PRDM16: variants seen among roughly 807,000 people sequenced by gnomAD.
The protein encoded by PRDM16 is histone-lysine N-methyltransferase PRDM16.
PRDM16 carries 23 observed loss-of-function variants against 110.6 expected under a neutral mutation model. The ratio of observed to expected loss-of-function variants is 0.21; its 90% CI spans 0.15 to 0.29. The LOEUF (loss-of-function observed/expected upper bound fraction) is 0.29, where lower values mean the gene tolerates loss of function less well. PRDM16 is among the 10% of genes least tolerant of loss of function. The pLI, the probability that PRDM16 is intolerant of heterozygous loss-of-function variation, is 1.00. For synonymous variants in PRDM16, 799 were observed against 781.8 expected, an observed-to-expected ratio of 1.02 and a Z score of -0.37; for missense variants, 1,615 against 1,794.3, an observed-to-expected ratio of 0.90 and a Z score of 1.81.
chr1:3,077,243 C>G (rs2981888), intron 1 of PRDM16, among the ~76,000 whole-genome samples: 108,086 of 152,168 alleles, frequency 0.71, 38,537 homozygotes, highest in East Asian at 0.96. Context: ...GCCCTGCCCC[C>G]TGACACAAGC....
rs1643714113 is a variant in PRDM16 at position 3,412,713 on chromosome 1, T to C, written c.2516T>C (p.Leu839Pro). The C allele has an allele frequency of 4.7e-6, 7 of 1,498,722 alleles. No individual in the cohort carries two copies. The highest frequency in any genetic ancestry group is 6.2e-6 in the Non-Finnish European group (7 of 1,123,928). The allele number at this position is 1,498,722 out of a possible 1,614,324, so 92.8% of individuals were successfully genotyped here. Reference protein sequence around the residue: ...GERKLGAGEGLPQVCPARMPQ... With the variant: ...GERKLGAGEGPPQVCPARMPQ... ...CGCAAGCTGGGCGCCGGCGAGGGGC[T>C]GCCCCAGGTGTGCCCGGCGCGGATG... Residue 839 changes from leucine (L) to proline (P), a missense_variant, in exon 9 of 17, where the codon CTG becomes CCG. Leu to Pro is a moderately conservative substitution (Grantham distance 98). Transcript: ENST00000270722.
At chr1:3,203,879 A>C (rs1638689083) in intron 2 of PRDM16, among the ~76,000 whole-genome samples, 1 of 152,178 alleles carries the variant, frequency 6.6e-6, no homozygotes, top group South Asian at 2.1e-4. Context: ...TTAGACATCA[A>C]CTATCTGGGC....
chr1:3,141,716 G>A (rs1048658346), intron 1 of PRDM16, among the ~76,000 whole-genome samples: 15 of 152,248 alleles, frequency 9.9e-5, no homozygotes, highest in African/African-American at 3.4e-4. Flanking sequence ...CTTCTGTTGT[G>A]CTTTGCCAGT....
intron 3 of PRDM16, among the ~76,000 whole-genome samples, chr1:3,332,494 G>A (rs1214369771): frequency 6.6e-6 from 1 of 152,120 alleles, no homozygotes; most frequent in Non-Finnish European, 1.5e-5. Flanking sequence ...TTTTGTTTTG[G>A]GGGCTTTATG....
chr1:3,345,758 C>T (rs1417843977), intron 3 of PRDM16, among the ~76,000 whole-genome samples: 1 of 149,610 alleles, frequency 6.7e-6, no homozygotes, highest in Non-Finnish European at 1.5e-5. Context: ...CAGGCCACCC[C>T]TCGGGTCCTC....
intron 1 of PRDM16, among the ~76,000 whole-genome samples, chr1:3,176,912 C>G (rs917484076): frequency 6.6e-6 from 1 of 152,018 alleles, no homozygotes; most frequent in African/African-American, 2.4e-5. Flanking sequence ...ATCCACCCAT[C>G]TATCCACTCA....
At chr1:3,093,092 G>A (rs762054719) in intron 1 of PRDM16, among the ~76,000 whole-genome samples, 39 of 152,158 alleles carry the variant, frequency 2.6e-4, no homozygotes, top group African/African-American at 8.9e-4. Flanking sequence ...TGAGCTGACC[G>A]CTTCTCCTGA....
intron 2 of PRDM16, among the ~76,000 whole-genome samples, chr1:3,194,515 G>A (rs1026403441): frequency 1.6e-4 from 24 of 152,178 alleles, no homozygotes; most frequent in African/African-American, 5.3e-4. Context: ...CTCAGGGAGG[G>A]AGGCTGGGGC....
chr1:3,380,797 T>C (rs1643089137), intron 3 of PRDM16, among the ~76,000 whole-genome samples: 1 of 152,176 alleles, frequency 6.6e-6, no homozygotes, highest in Non-Finnish European at 1.5e-5. Flanking sequence ...AGGGAGAGCC[T>C]ATCCCCCAAG....
chr1:3,256,224 A>G (rs1051911370), intron 3 of PRDM16, among the ~76,000 whole-genome samples: 2 of 152,144 alleles, frequency 1.3e-5, no homozygotes, highest in Admixed American at 1.3e-4. Flanking sequence ...CTCCAGACAA[A>G]GCAACACTGT....
At chr1:3,287,266 G>GCC (rs1640867700) in intron 3 of PRDM16, among the ~76,000 whole-genome samples, 202 of 148,764 alleles carry the variant, frequency 1.4e-3, no homozygotes, top group African/African-American at 5.0e-3. Flanking sequence ...CGGGGCTGGA[G>GCC]GCGCCCCGCC....
intron 5 of PRDM16, among the ~76,000 whole-genome samples, chr1:3,397,067 G>C (rs1279691441): frequency 1.3e-5 from 2 of 152,240 alleles, no homozygotes; most frequent in East Asian, 1.9e-4. Context: ...CTGCCCCAGA[G>C]CTCTCTGTGG....
intron 1 of PRDM16, among the ~76,000 whole-genome samples, chr1:3,170,946 G>A (rs1171500710): frequency 6.6e-6 from 1 of 152,260 alleles, no homozygotes; most frequent in Non-Finnish European, 1.5e-5. Flanking sequence ...GGCTGATGGC[G>A]CCAGCCCAAA....
intron 1 of PRDM16, among the ~76,000 whole-genome samples, chr1:3,088,448 ATTATTTAT>A (rs1553122533): frequency 5.1e-4 from 75 of 146,114 alleles, no homozygotes; most frequent in South Asian, 1.9e-3. Flanking sequence ...GGATTCTTTT[ATTATTTAT>A]TTATTTATTT....
At chr1:3,421,201 C>G (rs1638417059) in intron 12 of PRDM16, among the ~76,000 whole-genome samples, 1 of 152,222 alleles carries the variant, frequency 6.6e-6, no homozygotes, top group Non-Finnish European at 1.5e-5. Context: ...CCTGTAGTGG[C>G]TGCAGGAGAC....
At position 3,087,160 on chromosome 1, in the gene PRDM16, C is replaced by T. The variant is rs757448833; in HGVS notation, c.37+17864C>T. Among the ~76,000 whole-genome samples, 8 of 151,928 alleles carry T rather than the reference C, an allele frequency of 5.3e-5. No homozygotes were observed. The South Asian group carries it at 1.5e-3, about 28-fold the overall frequency. ...TCTTTCAGAAGAGGCAGCCTCACCACGTGCTGGTCAGCCCCACCCGAGACC... is the reference window on the plus strand; with the variant it reads ...TCTTTCAGAAGAGGCAGCCTCACCATGTGCTGGTCAGCCCCACCCGAGACC... On this transcript the variant is annotated intron_variant, in intron 1 of 16. Transcript: ENST00000270722.
chr1:3,249,891 A>G (rs1569925194), intron 3 of PRDM16, among the ~76,000 whole-genome samples: 1 of 152,250 alleles, frequency 6.6e-6, no homozygotes, highest in African/African-American at 2.4e-5. Flanking sequence ...GAGGTCAGCT[A>G]CGGTTGCCAT....
chr1:3,241,109 C>A (rs1288082870), intron 2 of PRDM16, among the ~76,000 whole-genome samples: 1 of 152,278 alleles, frequency 6.6e-6, no homozygotes, highest in South Asian at 2.1e-4. Flanking sequence ...ATTTTTCCAG[C>A]CGAGGTCAGC....
At chr1:3,112,446 C>G (rs1470375668) in intron 1 of PRDM16, among the ~76,000 whole-genome samples, 1 of 152,242 alleles carries the variant, frequency 6.6e-6, no homozygotes, top group African/African-American at 2.4e-5. Context: ...GTAAGAGGAG[C>G]CCCGCGCTTG....
Sources: allele counts gnomAD v4.1 joint callset (sites outside exome capture counted in the v4.1 genomes callset), GRCh38; gene constraint gnomAD v4.1.1; transcripts MANE v1.5; gene names NCBI Gene and HGNC (gene_info 2026-07-23, HGNC 2026-07-21).